Variants in DMD observed in about 807,000 individuals in gnomAD.
DMD encodes the protein dystrophin.
In DMD, 63 loss-of-function variants were observed where a neutral mutation model predicts 330.1. The observed-to-expected ratio is 0.19, with a 90% CI of 0.16 to 0.24. The LOEUF is 0.24. Among genes scored for constraint, DMD ranks in the 10% least tolerant of loss-of-function variants. The pLI is 1.00. For synonymous variants in DMD, 1,223 were observed against 959.8 expected (o/e 1.27, Z -5.07); for missense variants, 3,344 against 2,684.1 (o/e 1.25, Z -5.43).
At chrX:32,066,163 G>A (rs1300120359) in intron 44 of DMD, among the ~76,000 whole-genome samples, 1 of 111,285 alleles carries the variant, frequency 9.0e-6, no homozygotes, top group Admixed American at 9.6e-5. Flanking sequence ...AAAGGATTTT[G>A]AACCTGGGGC....
chrX:32,583,743 T>C, intron 13 of DMD: 1 of 112,255 alleles, frequency 8.9e-6, no homozygotes, highest in Non-Finnish European at 1.9e-5. Context: ...TATTCTACAG[T>C]GCCAACTTGT....
intron 13 of DMD, among the ~76,000 whole-genome samples, chrX:32,582,107 T>A (rs1235119198): frequency 9.0e-6 from 1 of 111,412 alleles, no homozygotes; most frequent in Non-Finnish European, 1.9e-5. Flanking sequence ...CTCTGAGACT[T>A]AAAATGAGAA....
At chrX:32,777,926 T>C (rs2074339753) in intron 7 of DMD, among the ~76,000 whole-genome samples, 1 of 112,315 alleles carries the variant, frequency 8.9e-6, no homozygotes, top group African/African-American at 3.2e-5. Context: ...TGCATGCACA[T>C]AATTATATAC....
rs755016078 is a variant in DMD, at chrX:32,980,368, C to CAAA, written c.93+39768_93+39770dup. On this transcript the variant is annotated intron_variant, in intron 2 of 78. Transcript: ENST00000357033. ...TGGGCGACAGAGCCAGACTCTGTCT[C>CAAA]AAAAAAAAAAAAAAAAAAAAAAAAA... Among the ~76,000 whole-genome samples the CAAA allele has an allele frequency of 1.4e-3, 60 of 42,622 alleles. 1 individual carries two copies. The highest frequency in any genetic ancestry group is 5.2e-3 in the East Asian group (7 of 1,359). 37.0% of individuals were successfully genotyped at this position (42,622 alleles called of 115,157 possible).
rs386416849 is a variant in DMD, at chrX:31,325,446, CAA to C, written c.9164-1790_9164-1789del. 2.2e-3 allele frequency among the ~76,000 whole-genome samples: 112 copies of C among 51,033 alleles called. 1 individual carries two copies. The highest frequency in any genetic ancestry group is 7.7e-3 in the African/African-American group (105 of 13,617). 44.3% of individuals were successfully genotyped at this position (51,033 alleles called of 115,157 possible). On this transcript the variant is annotated intron_variant, in intron 61 of 78. Coordinates refer to ENST00000357033, the MANE Select transcript of DMD (RefSeq NM_004006.3). ...GAAACGCTATCTCTACTAAAAATAC[CAA>C]AAAAAAAAAAAAAAAAAAAGCCGGG... is the stretch of plus-strand genomic sequence containing the variant.
rs1316260102 is a variant in DMD at position 31,831,725 on chromosome X, A to G, written c.7200+4993T>C. 3.6e-5 allele frequency among the ~76,000 whole-genome samples: 4 copies of G among 110,655 alleles called. No homozygotes were observed. The East Asian group carries it at 1.1e-3, about 31-fold the overall frequency. On this transcript the variant is annotated intron_variant, in intron 49 of 78. Coordinates refer to ENST00000357033, the MANE Select transcript of DMD (RefSeq NM_004006.3). ...GCCATTCTCCTGCCTCAGCCTCCCG[A>G]GTAGCTGGGACTACAGATGCCTGCC...
intron 45 of DMD, among the ~76,000 whole-genome samples, chrX:31,951,333 T>C (rs753754433): frequency 9.4e-6 from 1 of 106,531 alleles, no homozygotes; most frequent in Non-Finnish European, 1.9e-5. Context: ...TGGTATTATA[T>C]CAACCTTCAG....
chrX:32,902,866 A>C (rs1287301151), intron 2 of DMD, among the ~76,000 whole-genome samples: 1 of 110,395 alleles, frequency 9.1e-6, no homozygotes, highest in Non-Finnish European at 1.9e-5. Flanking sequence ...AGAAACTATA[A>C]AGAAATTTGG....
At chrX:32,708,155 A>C (rs977653550) in intron 7 of DMD, among the ~76,000 whole-genome samples, 4 of 111,919 alleles carry the variant, frequency 3.6e-5, no homozygotes, top group Admixed American at 2.9e-4. Flanking sequence ...ATGTGACATA[A>C]ATTTAATTGG....
chrX:32,116,547 T>A (rs1603626161), intron 44 of DMD, among the ~76,000 whole-genome samples: 1 of 112,173 alleles, frequency 8.9e-6, no homozygotes. Flanking sequence ...CATTATGCCA[T>A]CGTGATGTAA....
chrX:32,997,307 G>A (rs952118309), intron 2 of DMD, among the ~76,000 whole-genome samples: 13 of 108,226 alleles, frequency 1.2e-4, no homozygotes, highest in African/African-American at 4.1e-4. Flanking sequence ...GTGCAGTGGC[G>A]CGATCTCGGC....
At chrX:32,231,840 G>A (rs1343289165) in intron 43 of DMD, among the ~76,000 whole-genome samples, 5 of 110,309 alleles carry the variant, frequency 4.5e-5, no homozygotes, top group African/African-American at 1.7e-4. Context: ...CAATCTCAAA[G>A]GTTGCAGCAT....
chrX:32,497,702 T>G (rs1434770795), intron 19 of DMD, among the ~76,000 whole-genome samples: 4 of 111,690 alleles, frequency 3.6e-5, no homozygotes, highest in Non-Finnish European at 7.5e-5. Flanking sequence ...AGAACACTGT[T>G]TTACAAAAAG....
At chrX:31,572,048 G>A (rs1034977909) in intron 55 of DMD, among the ~76,000 whole-genome samples, 5 of 110,549 alleles carry the variant, frequency 4.5e-5, no homozygotes, top group African/African-American at 1.6e-4. Context: ...TTAATACCTC[G>A]GTGGTGAAAT....
intron 2 of DMD, among the ~76,000 whole-genome samples, chrX:33,009,047 T>A (rs1313164295): frequency 1.0e-5 from 1 of 97,090 alleles, no homozygotes; most frequent in African/African-American, 3.7e-5. Context: ...TATATATGTA[T>A]ATGTGTCTAT....
In DMD at chrX:32,352,784, C is replaced by T. The variant is rs188523441; in HGVS notation, c.5326-4256G>A. 2.3e-3 allele frequency among the ~76,000 whole-genome samples: 257 copies of T among 110,696 alleles called. 1 individual carries two copies. Among genetic ancestry groups the T allele is most frequent in the African/African-American group, 7.5e-3 (229 of 30,689 alleles). On this transcript the variant is annotated intron_variant, in intron 37 of 78. Coordinates refer to ENST00000357033, the MANE Select transcript of DMD (RefSeq NM_004006.3). ...AGTCCTCGGGGTATAGGAAAAATTA[C>T]GGGAGTGGGATTGACCTGTTATTTC...
At chrX:32,655,280 T>A (rs921743638) in intron 9 of DMD, among the ~76,000 whole-genome samples, 8 of 112,580 alleles carry the variant, frequency 7.1e-5, no homozygotes, top group African/African-American at 1.3e-4. Flanking sequence ...CATTCAGTGC[T>A]ATAAATTTCC....
intron 13 of DMD, among the ~76,000 whole-genome samples, chrX:32,590,464 G>C (rs756181869): frequency 8.9e-6 from 1 of 111,825 alleles, no homozygotes; most frequent in Non-Finnish European, 1.9e-5. Context: ...GCCAAAGAAG[G>C]CTGACATGTG....
At chrX:32,786,371 C>G (rs1018010260) in intron 7 of DMD, among the ~76,000 whole-genome samples, 43 of 110,008 alleles carry the variant, frequency 3.9e-4, no homozygotes, top group African/African-American at 1.4e-3. Context: ...TGTTTTGATG[C>G]CTTTGCCATC....
Sources: gnomAD v4.1 joint callset for allele counts (sites outside exome capture counted in the v4.1 genomes callset) on GRCh38, gnomAD v4.1.1 for gene constraint, MANE v1.5 for transcripts, NCBI Gene and HGNC (gene_info 2026-07-23, HGNC 2026-07-21) for gene names.